The following NCOA2 variants were observed in gnomAD, a reference collection of about 807,000 sequenced individuals.
NCOA2 encodes the protein class E basic helix-loop-helix protein 75.
NCOA2 carries 21 observed loss-of-function variants against 145.1 expected under a neutral mutation model. The observed-to-expected ratio is 0.14, with a 90% CI of 0.10 to 0.21. The LOEUF is 0.21. Ranked by LOEUF, NCOA2 falls within the 10% of genes least tolerant of loss-of-function variation. The pLI, the probability that NCOA2 is intolerant of heterozygous loss-of-function variation, is 1.00. For synonymous variants in NCOA2, 619 were observed against 637.5 expected (o/e 0.97, Z 0.44); for missense variants, 1,472 against 1,837.6 (o/e 0.80, Z 3.64).
rs1004863594 is a variant in NCOA2 at position 70,309,636 on chromosome 8, AT to A, written c.-76-12837del. On this transcript the variant is annotated intron_variant, in intron 1 of 22. Coordinates refer to ENST00000452400, the MANE Select transcript of NCOA2 (RefSeq NM_006540.4). The stretch of plus-strand genomic sequence containing the variant: ...GTATCTTTCTATATACAGTACTTAA[AT>A]TTTTTTTTTCCCCACAAAAATTGCT... Among the ~76,000 whole-genome samples, 9 of 150,840 alleles carry A rather than the reference AT, an allele frequency of 6.0e-5. 1 individual carries two copies. Among genetic ancestry groups the A allele is most frequent in the South Asian group, 4.2e-4 (2 of 4,784 alleles).
rs1808488536 is a variant in NCOA2, at chr8:70,126,985, T to C, written c.3744A>G (p.Arg1248=). The part of the protein sequence containing the change: ...RQREILNQHL[R]QRQMHQQQQV... ...GCTGTTGCTGATGCATTTGTCTCTG[T>C]CGAAGATGCTGGTTCAGGATTTCCC... Residue 1248 remains arginine (R), a synonymous_variant, in exon 19 of 23, where the codon CGA becomes CGG. Transcript: ENST00000452400. 1 of 1,613,610 alleles carries C rather than the reference T, an allele frequency of 6.2e-7. No individual in the cohort carries two copies. The highest frequency in any genetic ancestry group is 1.1e-5 in the South Asian group (1 of 90,958).
intron 1 of NCOA2, among the ~76,000 whole-genome samples, chr8:70,391,982 T>C (rs6472524): frequency 1.3e-3 from 193 of 152,354 alleles, no homozygotes; most frequent in African/African-American, 4.4e-3. Flanking sequence ...TACTTTGAAA[T>C]GGTTTATCCA....
In NCOA2 at chr8:70,148,370, C is replaced by T. The variant is rs1585842216; in HGVS notation, c.2508G>A (p.Lys836=). The T allele has an allele frequency of 1.1e-5, 18 of 1,613,996 alleles. No homozygotes were observed. The East Asian group carries it at 3.3e-4, about 30-fold the overall frequency. ...RPGAPAGSVD[K]QAIINDLMQL... ...GCATGAGGTCATTGATGATGGCTTG[C>T]TTGTCAACTGATCCAGCAGGGGCGC... The change falls in exon 12 of 23, where the codon AAG becomes AAA. Residue 836 remains lysine, a synonymous_variant. Coordinates refer to ENST00000452400, the MANE Select transcript of NCOA2 (RefSeq NM_006540.4).
At chr8:70,147,091 G>A (rs1390202167) in intron 12 of NCOA2, among the ~76,000 whole-genome samples, 1 of 151,890 alleles carries the variant, frequency 6.6e-6, no homozygotes, top group Non-Finnish European at 1.5e-5. Context: ...TGAGGTTTGA[G>A]AGGTCACATG....
chr8:70,153,601 C>T (rs908608832), intron 11 of NCOA2, among the ~76,000 whole-genome samples: 1 of 152,158 alleles, frequency 6.6e-6, no homozygotes, highest in Non-Finnish European at 1.5e-5. Flanking sequence ...TAGGGGAGAC[C>T]ATCTTGCCCT....
At chr8:70,332,403 A>G (rs1234350673) in intron 1 of NCOA2, among the ~76,000 whole-genome samples, 2 of 152,214 alleles carry the variant, frequency 1.3e-5, no homozygotes, top group Non-Finnish European at 1.5e-5. Context: ...ACAATATATT[A>G]TAATATGATA....
intron 11 of NCOA2, among the ~76,000 whole-genome samples, chr8:70,148,944 G>A (rs1811426183): frequency 6.6e-6 from 1 of 151,458 alleles, no homozygotes; most frequent in African/African-American, 2.4e-5. Context: ...CACCCAATCA[G>A]TATTTAACAA....
chr8:70,453,764 C>T, the NCOA2 span, among the ~76,000 whole-genome samples: 2 of 152,188 alleles, frequency 1.3e-5, no homozygotes, highest in Non-Finnish European at 2.9e-5. Flanking sequence ...CTGTGAAACA[C>T]ACACAGAAGT....
chr8:70,211,399 C>T (rs1160356359), intron 4 of NCOA2, among the ~76,000 whole-genome samples: 1 of 150,924 alleles, frequency 6.6e-6, no homozygotes, highest in Admixed American at 6.6e-5. Context: ...GTGGAGGTTG[C>T]AGTGAGCTGA....
At chr8:70,389,339 G>GGT (rs1454456327) in intron 1 of NCOA2, among the ~76,000 whole-genome samples, 2 of 151,882 alleles carry the variant, frequency 1.3e-5, no homozygotes, top group African/African-American at 2.4e-5. Context: ...GGAGTGCAAT[G>GGT]GCACCATCTC....
At position 70,393,138 on chromosome 8, in the gene NCOA2, T is replaced by C. The variant is rs1813352250; in HGVS notation, c.-77+10562A>G. Among the ~76,000 whole-genome samples the C allele has an allele frequency of 2.0e-5, 3 of 152,148 alleles. No homozygotes were observed. In the South Asian group the frequency reaches 6.2e-4, roughly 32 times the overall value. On this transcript the variant is annotated intron_variant, in intron 1 of 22. Transcript: ENST00000452400. ...TGAAAACCACAAGCCCCAGAAAGCC[T>C]TCCCTTGCCTTAGGACTACCTACTC...
At position 70,314,362 on chromosome 8, in the gene NCOA2, T is replaced by A. The variant is rs146532407; in HGVS notation, c.-76-17562A>T. ...TGGACTAAAATTATATAAAGTGACCTCTCTGCAAGTGAGTTTAGACTCCAA... is the reference window on the plus strand; with the variant it reads ...TGGACTAAAATTATATAAAGTGACCACTCTGCAAGTGAGTTTAGACTCCAA... On this transcript the variant is annotated intron_variant, in intron 1 of 22. Coordinates refer to ENST00000452400, the MANE Select transcript of NCOA2 (RefSeq NM_006540.4). Among the ~76,000 whole-genome samples the A allele has an allele frequency of 3.3e-5, 5 of 152,022 alleles. No homozygotes were observed. In the East Asian group the frequency reaches 9.6e-4, roughly 29 times the overall value.
intron 1 of NCOA2, among the ~76,000 whole-genome samples, chr8:70,300,790 C>CT (rs1445472519): frequency 2.0e-5 from 3 of 152,138 alleles, no homozygotes; most frequent in Admixed American, 6.5e-5. Flanking sequence ...ATGTGCCATA[C>CT]TTTTTTTGGC....
At chr8:70,409,130 T>A in the NCOA2 span, among the ~76,000 whole-genome samples, 1 of 152,152 alleles carries the variant, frequency 6.6e-6, no homozygotes, top group African/African-American at 2.4e-5. Context: ...ATGTCAACAC[T>A]TAGCAAATGG....
chr8:70,350,566 G>A (rs1044238909), intron 1 of NCOA2, among the ~76,000 whole-genome samples: 3 of 152,130 alleles, frequency 2.0e-5, no homozygotes, highest in Non-Finnish European at 4.4e-5. Context: ...GTGATTCCAT[G>A]AATAAACATT....
At chr8:70,252,132 T>C (rs144231979) in intron 2 of NCOA2, among the ~76,000 whole-genome samples, 55 of 152,362 alleles carry the variant, frequency 3.6e-4, no homozygotes, top group African/African-American at 1.3e-3. Context: ...CCATGGTTAG[T>C]TGAATTCAAA....
chr8:70,283,934 A>G (rs1826060988), intron 2 of NCOA2, among the ~76,000 whole-genome samples: 1 of 152,138 alleles, frequency 6.6e-6, no homozygotes, highest in Admixed American at 6.5e-5. Context: ...TAATTGAATG[A>G]TTTTTCTTCC....
chr8:70,313,971 C>G (rs1276696390), intron 1 of NCOA2, among the ~76,000 whole-genome samples: 1 of 151,618 alleles, frequency 6.6e-6, no homozygotes, highest in Non-Finnish European at 1.5e-5. Context: ...GAGATGAAGA[C>G]CATCCTGGCT....
intron 6 of NCOA2, among the ~76,000 whole-genome samples, chr8:70,167,169 AT>A (rs537511650): frequency 3.5e-4 from 53 of 152,254 alleles, no homozygotes; most frequent in African/African-American, 1.2e-3. Context: ...TTGCATTCTA[AT>A]TTTAGATAAG....
Sources: gnomAD v4.1 joint callset for allele counts (sites outside exome capture counted in the v4.1 genomes callset) on GRCh38, gnomAD v4.1.1 for gene constraint, MANE v1.5 for transcripts, NCBI Gene and HGNC (gene_info 2026-07-23, HGNC 2026-07-21) for gene names.